The following UBE2S variants were observed in gnomAD, a reference collection of about 807,000 sequenced individuals.
UBE2S encodes ubiquitin-conjugating enzyme E2 S.
UBE2S carries 3 observed loss-of-function variants against 12.3 expected under a neutral mutation model. That is an observed-to-expected ratio of 0.24 (90% CI 0.11 to 0.63). The LOEUF (loss-of-function observed/expected upper bound fraction) is 0.63. Among genes scored for constraint, UBE2S ranks in the 30% least tolerant of loss-of-function variants. The probability of loss-of-function intolerance (pLI) is 0.85; values close to 1 mark genes in which losing one functional copy is unlikely to be tolerated. For synonymous variants in UBE2S, 133 were observed against 142.0 expected (o/e 0.94, Z 0.45); for missense variants, 211 against 313.9 (o/e 0.67, Z 2.48).
chr19:55,404,509 G>A lies in UBE2S; in HGVS notation c.152-31C>T. ...GTGGAGGGAGGGGTACAGGGTCAGGGCACTCAGGAGTCCCAAGGCACCTCA... is the reference window on the plus strand; with the variant it reads ...GTGGAGGGAGGGGTACAGGGTCAGGACACTCAGGAGTCCCAAGGCACCTCA... On this transcript the variant is annotated intron_variant, in intron 2 of 3. Coordinates refer to ENST00000264552, the MANE Select transcript of UBE2S (RefSeq NM_014501.3). The surrounding 1 kb of genome is among the most constrained non-coding windows in gnomAD (Gnocchi z 4.4). 6.4e-7 allele frequency: 1 copy of A among 1,558,274 alleles called. No individual in the cohort carries two copies. The highest frequency in any genetic ancestry group is 1.2e-5 in the South Asian group (1 of 81,904).
At position 55,401,362 on chromosome 19, in the gene UBE2S, A is replaced by G. The variant is rs1031537372; in HGVS notation, c.*74T>C. 7 of 1,048,962 alleles carry G rather than the reference A, an allele frequency of 6.7e-6. No homozygotes were observed. Among genetic ancestry groups the G allele is most frequent in the South Asian group, 1.5e-5 (1 of 64,730 alleles). The allele number at this position is 1,048,962 out of a possible 1,614,324, so 65.0% of individuals were successfully genotyped here. A position where few individuals can be genotyped will look rare whatever the true frequency, so the allele number is the denominator to read the frequency against. ...CCTCCCCGACCCCAGCCATAATTTA[A>G]ATAACTTAGAGACAGAGTTGGAGGG... On this transcript the variant is annotated 3_prime_UTR_variant, in exon 4 of 4. Transcript: ENST00000264552.
intron 2 of UBE2S, among the ~76,000 whole-genome samples, chr19:55,405,862 T>C (rs2090093541): frequency 6.6e-6 from 1 of 152,182 alleles, no homozygotes; most frequent in African/African-American, 2.4e-5. Flanking sequence ...ATCAGCAGCC[T>C]GAGCACCGGC....
intron 2 of UBE2S, among the ~76,000 whole-genome samples, chr19:55,406,480 G>A (rs1375547788): frequency 6.6e-6 from 1 of 152,008 alleles, no homozygotes; most frequent in Non-Finnish European, 1.5e-5. Flanking sequence ...CACCCTCCCA[G>A]GCCCTTGCTG....
chr19:55,401,739 G>A lies in UBE2S; in HGVS notation c.366C>T (p.His122=). The change falls in exon 4 of 4, where the codon CAC becomes CAT. Residue 122 remains histidine (H), a synonymous_variant. Coordinates refer to ENST00000264552, the MANE Select transcript of UBE2S (RefSeq NM_014501.3). ...VLLTIKCLLI[H]PNPESALNEE... is the part of the protein sequence containing the mutation. The stretch of plus-strand genomic sequence containing the variant: ...CGTTGAGTGCAGACTCGGGGTTAGG[G>A]TGGATCAGCAGGCACTTGATGGTCT... 2 of 1,613,332 alleles carry A rather than the reference G, an allele frequency of 1.2e-6. No individual in the cohort carries two copies. Among genetic ancestry groups the A allele is most frequent in the Non-Finnish European group, 1.7e-6 (2 of 1,180,030 alleles).
At chr19:55,403,992 T>G in intron 3 of UBE2S, 1 of 328,526 alleles carries the variant, frequency 3.0e-6, no homozygotes, top group South Asian at 2.7e-5. Context: ...CCACCACACC[T>G]GGCCTACCCT....
At chr19:55,403,671 A>T (rs2090077681) in intron 3 of UBE2S, among the ~76,000 whole-genome samples, 1 of 151,432 alleles carries the variant, frequency 6.6e-6, no homozygotes, top group Non-Finnish European at 1.5e-5. Context: ...TGGGAGGATC[A>T]CTTGAGTTCA....
chr19:55,401,610 G>A lies in UBE2S; in HGVS notation c.495C>T (p.Ala165=), dbSNP rs200103438. 1,787 of 1,606,292 alleles carry A rather than the reference G, an allele frequency of 1.1e-3. 20 individuals are homozygous for A. In the African/African-American group the frequency reaches 0.02, roughly 18 times the overall value. The change falls in exon 4 of 4, where the codon GCC becomes GCT. Residue 165 remains alanine, a synonymous_variant. Transcript: ENST00000264552. ...CACTGGCCAGGGCCCGACCGGCTTCGGCCCTGCCGCTGGGCCCGCCGGCGC... is the reference window on the plus strand; with the variant it reads ...CACTGGCCAGGGCCCGACCGGCTTCAGCCCTGCCGCTGGGCCCGCCGGCGC... ...HGGAGGPSGR[A]EAGRALASGT...
chr19:55,403,232 A>T (rs2090074222), intron 3 of UBE2S: 1 of 609,972 alleles, frequency 1.6e-6, no homozygotes, highest in Non-Finnish European at 2.9e-6. Flanking sequence ...CTATTAAAAA[A>T]CCACTGAACT....
chr19:55,399,866 A>T lies in UBE2S; in HGVS notation c.*1570T>A, dbSNP rs1163542595. Reference sequence around the variant, plus strand: ...TGCTTCCCTCATGCAGAAATGGTTGACGATAAACGCAGAGCTTAAGATTTC... The same window carrying T: ...TGCTTCCCTCATGCAGAAATGGTTGTCGATAAACGCAGAGCTTAAGATTTC... On this transcript the variant is annotated 3_prime_UTR_variant, in exon 4 of 4. Coordinates refer to ENST00000264552, the MANE Select transcript of UBE2S (RefSeq NM_014501.3). The T allele has an allele frequency of 6.6e-6, 1 of 152,208 alleles. No individual in the cohort carries two copies. The highest frequency in any genetic ancestry group is 1.5e-5 in the Non-Finnish European group (1 of 68,042). The allele number at this position is 152,208 out of a possible 1,614,324, so 9.4% of individuals were successfully genotyped here.
intron 2 of UBE2S, among the ~76,000 whole-genome samples, chr19:55,405,379 C>G (rs1277653794): frequency 6.6e-6 from 1 of 151,984 alleles, no homozygotes; most frequent in Non-Finnish European, 1.5e-5. Flanking sequence ...CATGGTGGTG[C>G]ACGTCTGTAA....
chr19:55,401,810 A>G lies in UBE2S; in HGVS notation c.343-48T>C, dbSNP rs780384367. On this transcript the variant is annotated intron_variant, in intron 3 of 3. Transcript: ENST00000264552. ...ACAGTGGGTCGGGCAACCTACAGGG[A>G]CCCCCAGGCCTCCACAAGAGGGTGG... is the stretch of plus-strand genomic sequence containing the variant. 6.9e-6 allele frequency: 11 copies of G among 1,602,988 alleles called. No homozygotes were observed. In the South Asian group the frequency reaches 1.2e-4, roughly 18 times the overall value.
intron 2 of UBE2S, among the ~76,000 whole-genome samples, chr19:55,405,900 C>G (rs1233450489): frequency 6.6e-6 from 1 of 152,144 alleles, no homozygotes. Flanking sequence ...GAATCTCATC[C>G]CATCTCCAAG....
At position 55,400,279 on chromosome 19, in the gene UBE2S, A is replaced by C. The variant is rs1042081348; in HGVS notation, c.*1157T>G. On this transcript the variant is annotated 3_prime_UTR_variant, in exon 4 of 4. Transcript: ENST00000264552. ...GCCTCAAGTGATCCTTTCACCTCCT[A>C]AAGTTGGGATTACAGGCGTGAGCCA... The C allele has an allele frequency of 6.6e-6, 1 of 152,168 alleles. No homozygotes were observed. The highest frequency in any genetic ancestry group is 1.5e-5 in the Non-Finnish European group (1 of 68,034). The allele number at this position is 152,168 out of a possible 1,614,324, so 9.4% of individuals were successfully genotyped here.
chr19:55,401,772 G>A lies in UBE2S; in HGVS notation c.343-10C>T. 2 of 1,612,996 alleles carry A rather than the reference G, an allele frequency of 1.2e-6. No homozygotes were observed. Among genetic ancestry groups the A allele is most frequent in the Non-Finnish European group, 1.7e-6 (2 of 1,180,020 alleles). ...GCAGGCACTTGATGGTCTGTGGGAA[G>A]AGGCTCAGGGTCACAGTGGGTCGGG... On this transcript the variant is annotated splice_polypyrimidine_tract_variant and intron_variant, in intron 3 of 3. Coordinates refer to ENST00000264552, the MANE Select transcript of UBE2S (RefSeq NM_014501.3).
At chr19:55,406,402 G>T (rs2090096302) in intron 2 of UBE2S, among the ~76,000 whole-genome samples, 2 of 152,116 alleles carry the variant, frequency 1.3e-5, no homozygotes, top group Non-Finnish European at 2.9e-5. Context: ...GTCTCCCCAC[G>T]ATCTGCATCT....
At chr19:55,403,365 T>C (rs2090074996) in intron 3 of UBE2S, 4 of 428,414 alleles carry the variant, frequency 9.3e-6, no homozygotes, top group Non-Finnish European at 1.7e-5. Context: ...GGTGCATGCG[T>C]GTAATACCAG....
intron 1 of UBE2S, among the ~76,000 whole-genome samples, 199 bp from the exon 2 acceptor site, chr19:55,407,161 G>C (rs921842352): frequency 4.6e-5 from 7 of 151,682 alleles, no homozygotes; most frequent in African/African-American, 1.7e-4. Flanking sequence ...GCGGGTTCAC[G>C]GGGGGGCTTG....
rs983355396 is a variant in UBE2S, at chr19:55,401,418, A to G, written c.*18T>C. The G allele has an allele frequency of 6.4e-7, 1 of 1,564,032 alleles. No homozygotes were observed. On this transcript the variant is annotated 3_prime_UTR_variant, in exon 4 of 4. Coordinates refer to ENST00000264552, the MANE Select transcript of UBE2S (RefSeq NM_014501.3). The stretch of plus-strand genomic sequence containing the variant: ...ACAGGAGAGGTTGGGGTCACGGTGG[A>G]AGGAGGAAGAGAGCCCACTACAGCC...
chr19:55,404,750 G>A lies in UBE2S; in HGVS notation c.152-272C>T, dbSNP rs1022971827. 1.3e-5 allele frequency among the ~76,000 whole-genome samples: 2 copies of A among 152,110 alleles called. No homozygotes were observed. The highest frequency in any genetic ancestry group is 2.4e-5 in the African/African-American group (1 of 41,428). On this transcript the variant is annotated intron_variant, in intron 2 of 3. Coordinates refer to ENST00000264552, the MANE Select transcript of UBE2S (RefSeq NM_014501.3). The surrounding 1 kb of genome is among the most constrained non-coding windows in gnomAD (Gnocchi z 4.4). ...CAGCCTGCCAAGTAGCTGGGATTAC[G>A]GGCATGCCACCAGGTCTGGCTACTT...
Sources: allele counts gnomAD v4.1 joint callset (sites outside exome capture counted in the v4.1 genomes callset), GRCh38; gene constraint gnomAD v4.1.1; non-coding constraint Gnocchi (gnomAD v3.1); transcripts MANE v1.5; gene names NCBI Gene and HGNC (gene_info 2026-07-23, HGNC 2026-07-21).